RTN4: variants seen among roughly 807,000 people sequenced by gnomAD.
RTN4 encodes the protein reticulon 4, also known as reticulon-4.
In RTN4, 32 loss-of-function variants were observed where a neutral mutation model predicts 90.4. That is an observed-to-expected ratio of 0.35 (90% CI 0.27 to 0.48). The LOEUF (loss-of-function observed/expected upper bound fraction) is 0.48, where lower values mean the gene tolerates loss of function less well. Ranked by LOEUF, RTN4 falls within the 20% of genes least tolerant of loss-of-function variation. The pLI is 0.99. For synonymous variants in RTN4, 629 were observed against 552.5 expected (o/e 1.14, Z -1.94); for missense variants, 1,706 against 1,430.2 (o/e 1.19, Z -3.11).
At chr2:55,024,080 C>G (rs945131627) in intron 3 of RTN4, among the ~76,000 whole-genome samples, 2 of 152,078 alleles carry the variant, frequency 1.3e-5, no homozygotes, top group African/African-American at 4.8e-5. Context: ...ATATCCAAAA[C>G]CAAATTTGTA....
chr2:54,987,777 G>A, intron 3 of RTN4, 79 bp from the exon 4 acceptor site: 2 of 1,075,802 alleles, frequency 1.9e-6, no homozygotes, highest in African/African-American at 1.6e-5. Context: ...AAACAAAAAC[G>A]CTACTACATA....
At chr2:54,997,014 A>G (rs1336369235) in intron 3 of RTN4, among the ~76,000 whole-genome samples, 1 of 152,250 alleles carries the variant, frequency 6.6e-6, no homozygotes, top group African/African-American at 2.4e-5. Context: ...GAAACAACAA[A>G]AGAAGAAAAA....
At chr2:54,973,407 T>G (rs958266456) in intron 8 of RTN4, 156 bp downstream of exon 8, 2 of 777,758 alleles carry the variant, frequency 2.6e-6, no homozygotes, top group African/African-American at 3.5e-5. Context: ...AAACGAATGG[T>G]CCAAATGTTA....
At chr2:54,984,615 T>C (rs1023513211) in intron 4 of RTN4, among the ~76,000 whole-genome samples, 2 of 152,212 alleles carry the variant, frequency 1.3e-5, no homozygotes, top group Non-Finnish European at 2.9e-5. Flanking sequence ...TTTACACTAA[T>C]TCAACTGACA....
At chr2:55,052,306 G>C (rs1668109890), upstream of RTN4, among the ~76,000 whole-genome samples, 2 of 152,304 alleles carry the variant, frequency 1.3e-5, no homozygotes, top group South Asian at 2.1e-4. Context: ...ACTGTGGTTA[G>C]GGGGCAGGAG....
At chr2:55,133,700 G>C in the RTN4 span, among the ~76,000 whole-genome samples, 1 of 152,142 alleles carries the variant, frequency 6.6e-6, no homozygotes, top group East Asian at 1.9e-4. Context: ...ACCATAAATA[G>C]CTCTCACCGT....
the RTN4 span, among the ~76,000 whole-genome samples, chr2:55,118,587 C>T: frequency 6.7e-6 from 1 of 150,184 alleles, no homozygotes; most frequent in Non-Finnish European, 1.5e-5. Flanking sequence ...ATCCTCCCTG[C>T]CCCCCAAAAC....
the RTN4 span, among the ~76,000 whole-genome samples, chr2:55,128,583 G>C: frequency 6.6e-6 from 1 of 152,034 alleles, no homozygotes; most frequent in Non-Finnish European, 1.5e-5. Context: ...TATAACCATG[G>C]GATAAGGAAG....
chr2:54,992,658 G>A (rs945567299), intron 3 of RTN4, among the ~76,000 whole-genome samples: 1 of 151,864 alleles, frequency 6.6e-6, no homozygotes, highest in African/African-American at 2.4e-5. Context: ...TTATGCAAGA[G>A]AAATGTGTAG....
intron 7 of RTN4, 86 bp downstream of exon 7, chr2:54,973,735 T>TTGAAAA (rs1677349568): frequency 1.3e-6 from 2 of 1,504,406 alleles, no homozygotes; most frequent in Non-Finnish European, 1.8e-6. Context: ...TTGTAAGACA[T>TTGAAAA]TGAAAATGGG....
At chr2:54,993,056 AGAGC>A (rs1162625619) in intron 3 of RTN4, among the ~76,000 whole-genome samples, 1 of 146,164 alleles carries the variant, frequency 6.8e-6, no homozygotes, top group Non-Finnish European at 1.5e-5. Flanking sequence ...CCTGGGCAAC[AGAGC>A]GAGACTCCAT....
At chr2:55,100,591 G>A (rs1002361825) in intron 1 of RTN4, among the ~76,000 whole-genome samples, 6 of 152,086 alleles carry the variant, frequency 3.9e-5, no homozygotes, top group African/African-American at 1.5e-4. Context: ...AAAGCCTCAA[G>A]GTACATCTTC....
chr2:55,117,889 C>G, the RTN4 span, among the ~76,000 whole-genome samples: 1 of 152,136 alleles, frequency 6.6e-6, no homozygotes, highest in Non-Finnish European at 1.5e-5. Flanking sequence ...TGTTCCATTT[C>G]TTAACATGGG....
At chr2:54,988,156 A>C (rs1370918294) in intron 3 of RTN4, among the ~76,000 whole-genome samples, 2 of 152,190 alleles carry the variant, frequency 1.3e-5, no homozygotes, top group South Asian at 2.1e-4. Context: ...GTCTCTACTG[A>C]AAATACAAAA....
intron 2 of RTN4, among the ~76,000 whole-genome samples, chr2:55,062,331 C>G (rs576921366): frequency 6.6e-6 from 1 of 152,130 alleles, no homozygotes; most frequent in African/African-American, 2.4e-5. Context: ...CTGACTAACA[C>G]AAGCCGCCTA....
At chr2:55,094,344 G>T (rs1160452569) in intron 1 of RTN4, among the ~76,000 whole-genome samples, 4 of 152,206 alleles carry the variant, frequency 2.6e-5, no homozygotes, top group Non-Finnish European at 5.9e-5. Flanking sequence ...CATGTTTGTT[G>T]TTGAAGTCAC....
At chr2:55,046,698 G>A (rs1667762503) in intron 1 of RTN4, 1 of 152,088 alleles carries the variant, frequency 6.6e-6, no homozygotes, top group Admixed American at 6.5e-5. Context: ...CCTGTCTCTT[G>A]GTAGGTAATC....
At chr2:55,117,500 A>T (rs1034658659), upstream of RTN4, among the ~76,000 whole-genome samples, 2 of 152,216 alleles carry the variant, frequency 1.3e-5, no homozygotes, top group South Asian at 4.1e-4. Context: ...GCACAGTGAA[A>T]TCCTCATTAA....
chr2:55,071,381 T>C (rs2920881), intron 2 of RTN4, among the ~76,000 whole-genome samples: 103,175 of 151,644 alleles, frequency 0.68, 37,383 homozygotes, highest in East Asian at 0.92. Flanking sequence ...GGAAAAGTGC[T>C]TTGAAAGTTA....
Sources: gnomAD v4.1 joint callset for allele counts (sites outside exome capture counted in the v4.1 genomes callset) on GRCh38, gnomAD v4.1.1 for gene constraint, MANE v1.5 for transcripts, NCBI Gene and HGNC (gene_info 2026-07-23, HGNC 2026-07-21) for gene names.